Variants in PCBP3 observed in about 807,000 individuals in gnomAD.
The protein encoded by PCBP3 is poly(rC)-binding protein 3.
In PCBP3, 25 loss-of-function variants were observed where a neutral mutation model predicts 52.7. The observed-to-expected ratio is 0.47, with a 90% CI of 0.35 to 0.66. The LOEUF (loss-of-function observed/expected upper bound fraction) is 0.66, where lower values mean the gene tolerates loss of function less well. Among genes scored for constraint, PCBP3 ranks in the 30% least tolerant of loss-of-function variants. PCBP3 has a pLI of 0.01. For synonymous variants in PCBP3, 162 were observed against 183.0 expected, an observed-to-expected ratio of 0.89 and a Z score of 0.93; for missense variants, 391 against 490.3, an observed-to-expected ratio of 0.80 and a Z score of 1.91.
chr21:45,709,715 C>T (rs967669039), intron 2 of PCBP3, among the ~76,000 whole-genome samples: 3 of 152,130 alleles, frequency 2.0e-5, no homozygotes, highest in East Asian at 1.9e-4. Flanking sequence ...GTTAATGGAC[C>T]AATATCAGCC....
Position 45,917,869 on chromosome 21 carries a change from TG to T in PCBP3, c.717+243del, listed in dbSNP as rs2073761347. 21 of 548,296 alleles carry T rather than the reference TG, an allele frequency of 3.8e-5. No homozygotes were observed. In the Admixed American group the frequency reaches 5.1e-4, roughly 13 times the overall value. 34.0% of individuals were successfully genotyped at this position (548,296 alleles called of 1,614,324 possible). ...AATTGTCTCAATTCTGCCGCAGTCC[TG>T]GGTTTTCCTCCCTCCCACGGGGCCT... On this transcript the variant is annotated intron_variant, in intron 13 of 17. Transcript: ENST00000681687. The surrounding 1 kb of genome is among the most constrained non-coding windows in gnomAD (Gnocchi z 5.3).
intron 5 of PCBP3, among the ~76,000 whole-genome samples, chr21:45,883,848 C>T (rs2095457445): frequency 6.6e-6 from 1 of 152,212 alleles, no homozygotes; most frequent in Non-Finnish European, 1.5e-5. Flanking sequence ...ATCTGTGCTT[C>T]AATTGGTGTA....
At chr21:45,794,217 C>T (rs1342522177) in intron 4 of PCBP3, among the ~76,000 whole-genome samples, 1 of 152,056 alleles carries the variant, frequency 6.6e-6, no homozygotes, top group Admixed American at 6.6e-5. Context: ...TTACAAGGAA[C>T]CATTGTAAAT....
chr21:45,685,915 C>CT (rs1168054154), intron 2 of PCBP3, among the ~76,000 whole-genome samples: 3,332 of 125,424 alleles, frequency 0.027, 86 homozygotes, highest in African/African-American at 0.053. Flanking sequence ...GTAAGATGAA[C>CT]TTTTTTTTTT....
At chr21:45,685,615 A>G (rs2082104396) in intron 2 of PCBP3, among the ~76,000 whole-genome samples, 1 of 152,160 alleles carries the variant, frequency 6.6e-6, no homozygotes, top group African/African-American at 2.4e-5. Context: ...GTAATTCCCA[A>G]CTTTCTTAGT....
intron 3 of PCBP3, among the ~76,000 whole-genome samples, chr21:45,739,161 C>T (rs1298497308): frequency 2.5e-5 from 3 of 120,314 alleles, no homozygotes; most frequent in Admixed American, 8.4e-5. Context: ...GTCCATTGTC[C>T]TCTGGGTGGC....
At chr21:45,738,750 A>G (rs1253507008) in intron 3 of PCBP3, among the ~76,000 whole-genome samples, 1 of 92,196 alleles carries the variant, frequency 1.1e-5, no homozygotes, top group African/African-American at 4.3e-5. Context: ...CTTCCTGTCC[A>G]TTGTCTTCTG....
intron 4 of PCBP3, among the ~76,000 whole-genome samples, chr21:45,769,796 C>T (rs188557894): frequency 1.3e-3 from 193 of 152,324 alleles, no homozygotes; most frequent in Non-Finnish European, 2.0e-3. Flanking sequence ...GAAAATGGGC[C>T]GCTCGTTTCA....
At position 45,859,262 on chromosome 21, in the gene PCBP3, G is replaced by T. The variant is rs1034821546; in HGVS notation, c.10+9167G>T. ...ACCAGGAACAGCTGAGCCAGGAGGG[G>T]CCGTGCTGCAGAGGTGGCCAGCGGG... On this transcript the variant is annotated intron_variant, in intron 5 of 17. Coordinates refer to ENST00000681687, the MANE Select transcript of PCBP3 (RefSeq NM_001384156.1). Among the ~76,000 whole-genome samples the T allele has an allele frequency of 4.6e-5, 5 of 108,700 alleles. No individual in the cohort carries two copies. The Admixed American group carries it at 4.7e-4, about 10-fold the overall frequency. The allele number at this position is 108,700 out of a possible 152,430, so 71.3% of individuals were successfully genotyped here.
intron 5 of PCBP3, among the ~76,000 whole-genome samples, chr21:45,861,876 G>T (rs1395909696): frequency 3.3e-5 from 5 of 152,142 alleles, no homozygotes; most frequent in Admixed American, 2.0e-4. Context: ...CCCAACACTG[G>T]GCAATTTATA....
intron 16 of PCBP3, 76 bp from the exon 17 acceptor site, chr21:45,939,954 C>A: frequency 1.4e-6 from 2 of 1,392,664 alleles, no homozygotes; most frequent in Non-Finnish European, 2.0e-6. Context: ...CACCGGCCCC[C>A]TCGGGCGCAC....
intron 5 of PCBP3, among the ~76,000 whole-genome samples, chr21:45,895,112 C>T (rs931101223): frequency 8.5e-5 from 13 of 152,242 alleles, no homozygotes; most frequent in Non-Finnish European, 1.5e-4. Context: ...CACCCCCTGA[C>T]ACCTGTGGCT....
At chr21:45,901,183 C>A in intron 9 of PCBP3, 70 bp downstream of exon 9, 1 of 1,078,932 alleles carries the variant, frequency 9.3e-7, no homozygotes, top group Non-Finnish European at 1.4e-6. Context: ...CTCCCTGGGT[C>A]CTCTCCCCTA....
At chr21:45,739,349 AC>A (rs1162090169) in intron 3 of PCBP3, among the ~76,000 whole-genome samples, 1 of 37,292 alleles carries the variant, frequency 2.7e-5, no homozygotes, top group Non-Finnish European at 4.9e-5. Context: ...TCAACAGCCC[AC>A]CCCTTCCTGT....
chr21:45,714,493 G>T (rs2084078970), intron 2 of PCBP3, among the ~76,000 whole-genome samples: 1 of 151,956 alleles, frequency 6.6e-6, no homozygotes, highest in Non-Finnish European at 1.5e-5. Flanking sequence ...ACATTACAAG[G>T]TATTCATAGA....
chr21:45,785,000 C>T, intron 4 of PCBP3, among the ~76,000 whole-genome samples: 1 of 151,734 alleles, frequency 6.6e-6, no homozygotes. Context: ...GGCCGCCATC[C>T]CATCTAGGAA....
intron 4 of PCBP3, among the ~76,000 whole-genome samples, chr21:45,766,585 T>C (rs553331098): frequency 2.0e-5 from 3 of 152,352 alleles, no homozygotes; most frequent in Non-Finnish European, 4.4e-5. Context: ...TGTTCTGTTA[T>C]GGCAGCTGAG....
chr21:45,660,238 A>G (rs977953075), intron 1 of PCBP3, among the ~76,000 whole-genome samples: 2 of 152,110 alleles, frequency 1.3e-5, no homozygotes, highest in African/African-American at 4.8e-5. Context: ...TGTCTGTAAT[A>G]ACAATTTTTG....
chr21:45,940,727 C>T (rs403192), intron 17 of PCBP3, among the ~76,000 whole-genome samples: 31,871 of 151,046 alleles, frequency 0.21, 3,954 homozygotes, highest in Non-Finnish European at 0.28. Flanking sequence ...GCCCCACCCC[C>T]GCCAAGCACA....
Sources: allele counts gnomAD v4.1 joint callset (sites outside exome capture counted in the v4.1 genomes callset), GRCh38; gene constraint gnomAD v4.1.1; non-coding constraint Gnocchi (gnomAD v3.1); transcripts MANE v1.5; gene names NCBI Gene and HGNC (gene_info 2026-07-23, HGNC 2026-07-21).